The following ZFHX3 variants were observed in gnomAD, a reference collection of about 807,000 sequenced individuals.
ZFHX3 encodes the protein zinc finger homeobox protein 3.
In ZFHX3, 42 loss-of-function variants were observed where a neutral mutation model predicts 279.1. That is an observed-to-expected ratio of 0.15 (90% CI 0.12 to 0.19). ZFHX3 has a LOEUF of 0.19. ZFHX3 is among the 10% of genes least tolerant of loss of function. The probability of loss-of-function intolerance (pLI) is 1.00; values close to 1 mark genes in which losing one functional copy is unlikely to be tolerated. For synonymous variants in ZFHX3, 2,293 were observed against 1,957.8 expected, an observed-to-expected ratio of 1.17 and a Z score of -4.52; for missense variants, 4,981 against 4,754.0, an observed-to-expected ratio of 1.05 and a Z score of -1.40.
rs745443545 is a variant in ZFHX3, at chr16:72,787,976, G to A, written c.10300C>T (p.Leu3434Phe). 2 of 1,613,842 alleles carry A rather than the reference G, an allele frequency of 1.2e-6. No individual in the cohort carries two copies. The highest frequency in any genetic ancestry group is 1.1e-5 in the South Asian group (1 of 91,062). Residue 3434 changes from leucine (L) to phenylalanine (F), a missense_variant, in exon 10 of 10, where the codon CTC becomes TTC. Transcript: ENST00000268489. ...GGCTCTTCAGGGAGTTTCGGCAGGAGGGGGGACACCTCACGGGGGGTGTTT... is the reference window on the plus strand; with the variant it reads ...GGCTCTTCAGGGAGTTTCGGCAGGAAGGGGGACACCTCACGGGGGGTGTTT... ...QKNTPREVSP[L>F]LPKLPEEPEA...
chr16:73,679,403 G>A (rs184640450), intron 2 of ZFHX3: 2 of 152,234 alleles, frequency 1.3e-5, no homozygotes, highest in Admixed American at 6.5e-5. Context: ...AGGATTAAAA[G>A]CATTTTGTGA....
chr16:73,888,985 A>T (rs1449696425), intron 1 of ZFHX3, among the ~76,000 whole-genome samples: 1 of 150,102 alleles, frequency 6.7e-6, no homozygotes, highest in Non-Finnish European at 1.5e-5. Context: ...CAATCTGCTC[A>T]TCAAACACCT....
At chr16:72,905,451 T>C (rs1026875300) in intron 3 of ZFHX3, among the ~76,000 whole-genome samples, 1 of 152,132 alleles carries the variant, frequency 6.6e-6, no homozygotes, top group African/African-American at 2.4e-5. Flanking sequence ...CTAGCTATGT[T>C]ATTTACATAG....
At chr16:73,847,502 A>T (rs548621790) in intron 1 of ZFHX3, among the ~76,000 whole-genome samples, 1 of 152,216 alleles carries the variant, frequency 6.6e-6, no homozygotes, top group South Asian at 2.1e-4. Flanking sequence ...TGGTGTGTTG[A>T]ATCTGTTCAT....
At position 73,710,293 on chromosome 16, in the gene ZFHX3, A is replaced by T. The variant is rs2053346424; in HGVS notation, c.-1607-30053T>A. Among the ~76,000 whole-genome samples, 3 of 152,370 alleles carry T rather than the reference A, an allele frequency of 2.0e-5. No individual in the cohort carries two copies. In the South Asian group the frequency reaches 6.2e-4, roughly 32 times the overall value. ...TGTTATACTTATTAAAGATCTGTAA[A>T]TGGTAACGATCATGTGGTCACTTTA... On this transcript the variant is annotated intron_variant, in intron 1 of 17. Coordinates refer to the ZFHX3 transcript ENST00000641206.
chr16:73,570,248 A>G (rs2051719797), intron 2 of ZFHX3, among the ~76,000 whole-genome samples: 1 of 152,202 alleles, frequency 6.6e-6, no homozygotes, highest in Non-Finnish European at 1.5e-5. Context: ...TTCCCGACAC[A>G]AATGCAACCC....
At chr16:73,806,112 A>G (rs1960269507) in intron 1 of ZFHX3, among the ~76,000 whole-genome samples, 1 of 152,216 alleles carries the variant, frequency 6.6e-6, no homozygotes, top group South Asian at 2.1e-4. Flanking sequence ...CTATAAAACC[A>G]TCAGCTCTTG....
In ZFHX3 at chr16:72,950,977, G is replaced by A; in HGVS notation, c.2720-12C>T. On this transcript the variant is annotated splice_polypyrimidine_tract_variant and intron_variant, in intron 2 of 9. Coordinates refer to ENST00000268489, the MANE Select transcript of ZFHX3 (RefSeq NM_006885.4). ...GATCTCACCGCCCACTGCAGGGAAG[G>A]AGAGAAGGAGAGAGTCAGACACCAG... The A allele has an allele frequency of 1.2e-6, 2 of 1,603,430 alleles. No homozygotes were observed. The highest frequency in any genetic ancestry group is 1.1e-5 in the South Asian group (1 of 90,192).
At chr16:73,323,233 G>T (rs977412279) in intron 3 of ZFHX3, among the ~76,000 whole-genome samples, 1 of 152,266 alleles carries the variant, frequency 6.6e-6, no homozygotes, top group African/African-American at 2.4e-5. Flanking sequence ...AGGCATCCTT[G>T]GTAGGGGAAA....
At chr16:72,954,481 T>C (rs1333064889) in intron 2 of ZFHX3, among the ~76,000 whole-genome samples, 1 of 152,168 alleles carries the variant, frequency 6.6e-6, no homozygotes, top group Admixed American at 6.5e-5. Context: ...ACTCTAACAC[T>C]GGAACTGACA....
intron 5 of ZFHX3, among the ~76,000 whole-genome samples, chr16:73,172,560 G>A (rs1967553891): frequency 6.6e-6 from 1 of 152,264 alleles, no homozygotes; most frequent in African/African-American, 2.4e-5. Context: ...GGTGTGTGAG[G>A]ATGGCGTAGG....
At chr16:72,875,254 A>G (rs1010903424) in intron 4 of ZFHX3, among the ~76,000 whole-genome samples, 8 of 152,352 alleles carry the variant, frequency 5.3e-5, no homozygotes, top group East Asian at 1.9e-4. Flanking sequence ...CACCTGGAAC[A>G]CAGCTCACTG....
intron 7 of ZFHX3, among the ~76,000 whole-genome samples, chr16:72,803,561 C>A (rs971783658): frequency 6.6e-6 from 1 of 152,170 alleles, no homozygotes; most frequent in African/African-American, 2.4e-5. Context: ...TTCTTCCCCT[C>A]TCTGGCCGCA....
intron 5 of ZFHX3, among the ~76,000 whole-genome samples, chr16:73,255,487 G>C (rs1443729254): frequency 1.3e-5 from 2 of 152,182 alleles, no homozygotes; most frequent in African/African-American, 2.4e-5. Context: ...CCTTGCCTGT[G>C]ATTTGGGAGA....
rs1012019827 is a variant in ZFHX3 at position 72,882,991 on chromosome 16, T to G, written c.3448+6740A>C. Among the ~76,000 whole-genome samples the G allele has an allele frequency of 4.8e-4, 46 of 95,354 alleles. 1 individual carries two copies. Among genetic ancestry groups the G allele is most frequent in the South Asian group, 1.5e-3 (4 of 2,594 alleles). The allele number at this position is 95,354 out of a possible 152,430, so 62.6% of individuals were successfully genotyped here. A position where few individuals can be genotyped will look rare whatever the true frequency, so the allele number is the denominator to read the frequency against. On this transcript the variant is annotated intron_variant, in intron 4 of 9. Transcript: ENST00000268489. ...CACCACTCTGGGGTGTGTGTGTGTG[T>G]GTGTGTGTGTGTGTGTGTGTGTGTG...
chr16:73,174,384 G>C (rs1967612275), intron 5 of ZFHX3, among the ~76,000 whole-genome samples: 1 of 152,292 alleles, frequency 6.6e-6, no homozygotes, highest in Non-Finnish European at 1.5e-5. Context: ...CAGCGAGGCA[G>C]GATCCTGGTC....
chr16:73,339,652 A>T (rs2015990559), intron 3 of ZFHX3, among the ~76,000 whole-genome samples: 1 of 152,236 alleles, frequency 6.6e-6, no homozygotes. Flanking sequence ...TTATTCAACC[A>T]TTGAGATAAG....
intron 1 of ZFHX3, among the ~76,000 whole-genome samples, chr16:73,742,970 T>TGTAGTTTA (rs1378578638): frequency 3.3e-5 from 5 of 152,160 alleles, no homozygotes; most frequent in Non-Finnish European, 4.4e-5. Flanking sequence ...TAAACTACAA[T>TGTAGTTTA]AATGTAGGAG....
intron 2 of ZFHX3, among the ~76,000 whole-genome samples, chr16:73,593,103 A>T (rs867815454): frequency 6.6e-6 from 1 of 152,184 alleles, no homozygotes. Flanking sequence ...CATCATGAAC[A>T]TTTAAAAACC....
Sources: allele counts gnomAD v4.1 joint callset (sites outside exome capture counted in the v4.1 genomes callset), GRCh38; gene constraint gnomAD v4.1.1; transcripts MANE v1.5; gene names NCBI Gene and HGNC (gene_info 2026-07-23, HGNC 2026-07-21).